SYT17: variants seen among roughly 807,000 people sequenced by gnomAD.
SYT17 encodes the protein synaptotagmin-17.
Under a neutral mutation model 46.7 loss-of-function variants are expected in SYT17, and 22 were observed. The observed-to-expected ratio is 0.47, with a 90% CI of 0.34 to 0.67. The LOEUF (loss-of-function observed/expected upper bound fraction) is 0.67. Among genes scored for constraint, SYT17 ranks in the 30% least tolerant of loss-of-function variants. SYT17 has a pLI of 0.01. For missense variants in SYT17, 519 were observed against 612.8 expected (o/e 0.85, Z 1.62); for synonymous variants, 251 against 248.4 (o/e 1.01, Z -0.10).
At chr16:19,254,516 T>C (rs1046987521) in intron 7 of SYT17, among the ~76,000 whole-genome samples, 53 of 152,076 alleles carry the variant, frequency 3.5e-4, no homozygotes, top group African/African-American at 1.3e-3. Context: ...AAGACAAAAA[T>C]GAAATTGGAA....
At chr16:19,235,079 G>A (rs546151504) in intron 7 of SYT17, among the ~76,000 whole-genome samples, 1 of 152,290 alleles carries the variant, frequency 6.6e-6, no homozygotes, top group African/African-American at 2.4e-5. Flanking sequence ...TAGGCACTCA[G>A]CGCCAGATCA....
chr16:19,265,642 G>A (rs1005484247), intron 7 of SYT17, among the ~76,000 whole-genome samples: 2 of 152,132 alleles, frequency 1.3e-5, no homozygotes, highest in African/African-American at 2.4e-5. Flanking sequence ...CTCGGCTCAC[G>A]CTGGGTGAAT....
intron 7 of SYT17, among the ~76,000 whole-genome samples, chr16:19,246,385 G>A (rs1352778338): frequency 2.7e-5 from 4 of 149,118 alleles, no homozygotes; most frequent in Non-Finnish European, 5.9e-5. Context: ...ATCCATTAAT[G>A]AATATTTGCA....
At chr16:19,173,311 A>G (rs987620970) in intron 2 of SYT17, 119 bp from the exon 3 acceptor site, 40 of 667,062 alleles carry the variant, frequency 6.0e-5, no homozygotes, top group Middle Eastern at 4.1e-4. Flanking sequence ...CTGAATGTCT[A>G]TTTCTCATCC....
intron 5 of SYT17, among the ~76,000 whole-genome samples, chr16:19,214,419 C>T (rs948979056): frequency 3.9e-5 from 6 of 152,058 alleles, no homozygotes; most frequent in Middle Eastern, 3.4e-3. Flanking sequence ...ACTGCAGCTC[C>T]GAACTCCTGG....
intron 5 of SYT17, among the ~76,000 whole-genome samples, chr16:19,192,128 T>C (rs1001494376): frequency 6.6e-6 from 1 of 152,160 alleles, no homozygotes; most frequent in African/African-American, 2.4e-5. Context: ...GTGTTGAGAG[T>C]GTAAGCCATG....
chr16:19,186,880 G>A (rs1964811769), intron 5 of SYT17, among the ~76,000 whole-genome samples: 1 of 151,884 alleles, frequency 6.6e-6, no homozygotes, highest in African/African-American at 2.4e-5. Flanking sequence ...ATTTCTAGTT[G>A]GATTAATAAA....
chr16:19,175,667 A>AT (rs376222728), intron 3 of SYT17, among the ~76,000 whole-genome samples: 3 of 147,066 alleles, frequency 2.0e-5, no homozygotes, highest in Non-Finnish European at 4.5e-5. Context: ...AAAAAAAAAA[A>AT]GGATTCTACT....
At chr16:19,168,006 C>T, upstream of SYT17, 1 of 152,508 alleles carries the variant, frequency 6.6e-6, no homozygotes, top group Non-Finnish European at 1.5e-5. This position sits in a 1 kb window ranked among gnomAD's most constrained non-coding sequence, Gnocchi z 6.9. Context: ...CTAGGCGCGT[C>T]GGGTGGGGCG....
At position 19,173,375 on chromosome 16, in the gene SYT17, C is replaced by T; in HGVS notation, c.34-55C>T. ...TGTTTCTCCTCTTCCTCTTCCCCAC[C>T]CTGCCCACCTCCCCTCTCCCCCATC... On this transcript the variant is annotated intron_variant, in intron 2 of 7. Transcript: ENST00000355377. 2 of 428,516 alleles carry T rather than the reference C, an allele frequency of 4.7e-6. 1 individual carries two copies. The highest frequency in any genetic ancestry group is 6.7e-5 in the South Asian group (2 of 29,966). The allele number at this position is 428,516 out of a possible 1,614,324, so 26.5% of individuals were successfully genotyped here.
Position 19,183,689 on chromosome 16 carries a change from G to A in SYT17, c.493G>A (p.Asp165Asn), listed in dbSNP as rs151329352. 5.6e-6 allele frequency: 9 copies of A among 1,614,026 alleles called. No individual in the cohort carries two copies. Among genetic ancestry groups the A allele is most frequent in the African/African-American group, 4.0e-5 (3 of 74,910 alleles). ...RKFEPHLYSLDSNSDDVDSLT... is the reference protein window; with the variant it reads ...RKFEPHLYSLNSNSDDVDSLT... Reference sequence around the variant, plus strand: ...GTTCGAACCCCACCTGTACTCCCTCGACTCCAACAGCGACGATGTGGACTC... The same window carrying A: ...GTTCGAACCCCACCTGTACTCCCTCAACTCCAACAGCGACGATGTGGACTC... Residue 165 changes from aspartate (D) to asparagine (N), a missense_variant, in exon 5 of 8, where the codon GAC (aspartate) becomes AAC (asparagine). Asp to Asn is a conservative substitution (Grantham distance 23). Coordinates refer to ENST00000355377, the MANE Select transcript of SYT17 (RefSeq NM_016524.4). The surrounding 1 kb of genome is among the most constrained non-coding windows in gnomAD (Gnocchi z 5.6).
chr16:19,176,646 G>T (rs1333312127), intron 3 of SYT17, among the ~76,000 whole-genome samples: 1 of 150,294 alleles, frequency 6.7e-6, no homozygotes, highest in Non-Finnish European at 1.5e-5. Flanking sequence ...TTGGGGTATT[G>T]TGACTAGAGG....
At chr16:19,207,359 A>G (rs1015674288) in intron 5 of SYT17, among the ~76,000 whole-genome samples, 1 of 152,258 alleles carries the variant, frequency 6.6e-6, no homozygotes, top group East Asian at 1.9e-4. Flanking sequence ...TCACACTGCT[A>G]TAAGAAATAC....
At chr16:19,208,339 T>C (rs990181810) in intron 5 of SYT17, among the ~76,000 whole-genome samples, 1 of 152,148 alleles carries the variant, frequency 6.6e-6, no homozygotes. Context: ...CACCTGAGAC[T>C]GGGCACTACT....
intron 7 of SYT17, among the ~76,000 whole-genome samples, chr16:19,253,171 C>G (rs867199127): frequency 2.0e-5 from 3 of 152,206 alleles, no homozygotes; most frequent in Admixed American, 6.5e-5. Context: ...TTTGTGGCTG[C>G]TTTCTGCTAG....
intron 7 of SYT17, among the ~76,000 whole-genome samples, chr16:19,245,397 C>T (rs1266233377): frequency 2.0e-5 from 3 of 152,110 alleles, no homozygotes; most frequent in Non-Finnish European, 4.4e-5. Context: ...AGTGAAGAAA[C>T]CCTGAGCTAG....
chr16:19,223,556 G>C (rs1470508604), intron 6 of SYT17, among the ~76,000 whole-genome samples: 1 of 152,190 alleles, frequency 6.6e-6, no homozygotes, highest in African/African-American at 2.4e-5. Context: ...ACTCTGAAAA[G>C]ACTTGTATTT....
chr16:19,203,155 A>G (rs1317727731), intron 5 of SYT17, among the ~76,000 whole-genome samples: 1 of 151,652 alleles, frequency 6.6e-6, no homozygotes, highest in Non-Finnish European at 1.5e-5. Context: ...AATAACAGTA[A>G]CTCTCCCATA....
At chr16:19,234,513 C>T (rs886540785) in intron 7 of SYT17, among the ~76,000 whole-genome samples, 8 of 151,994 alleles carry the variant, frequency 5.3e-5, no homozygotes, top group African/African-American at 1.9e-4. Context: ...ATATAAAAAG[C>T]TTTAGAAAGT....
Sources: gnomAD v4.1 joint callset for allele counts (sites outside exome capture counted in the v4.1 genomes callset) on GRCh38, gnomAD v4.1.1 for gene constraint, Gnocchi (gnomAD v3.1) non-coding constraint, MANE v1.5 for transcripts, NCBI Gene and HGNC (gene_info 2026-07-23, HGNC 2026-07-21) for gene names.